Variants in PCDH9 observed in about 807,000 individuals in gnomAD.
PCDH9 encodes protocadherin 9.
PCDH9 carries 24 observed loss-of-function variants against 70.6 expected under a neutral mutation model. The ratio of observed to expected loss-of-function variants is 0.34; its 90% confidence interval spans 0.25 to 0.48. The LOEUF (loss-of-function observed/expected upper bound fraction) is 0.48, where lower values mean the gene tolerates loss of function less well. PCDH9 is among the 20% of genes least tolerant of loss of function. The pLI is 0.99. For synonymous variants in PCDH9, 562 were observed against 558.5 expected, an observed-to-expected ratio of 1.01 and a Z score of -0.09; for missense variants, 1,281 against 1,503.6, an observed-to-expected ratio of 0.85 and a Z score of 2.45.
intron 2 of PCDH9, chr13:67,223,067 C>T (rs2089768985): frequency 6.6e-6 from 1 of 152,090 alleles, no homozygotes; most frequent in South Asian, 2.1e-4. Context: ...AGCTCTTTAT[C>T]ATAAGAGTGA....
Position 66,851,647 on chromosome 13 carries a change from G to GA in PCDH9, c.3138+51856_3138+51857insT, listed in dbSNP as rs2081317435. ...TCTGTGACCTTGAGCAAGTTATTAG[G>GA]TTGGTGCAAAAGTTATTGCGGATTT... is the stretch of plus-strand genomic sequence containing the variant. On this transcript the variant is annotated intron_variant, in intron 3 of 4. Coordinates refer to ENST00000377865, the MANE Select transcript of PCDH9 (RefSeq NM_203487.3). Among the ~76,000 whole-genome samples the GA allele has an allele frequency of 4.0e-5, 6 of 151,780 alleles. No individual in the cohort carries two copies. The South Asian group carries it at 1.2e-3, about 31-fold the overall frequency.
At chr13:66,428,547 C>T (rs1195035163) in intron 4 of PCDH9, among the ~76,000 whole-genome samples, 1 of 151,690 alleles carries the variant, frequency 6.6e-6, no homozygotes, top group Non-Finnish European at 1.5e-5. Flanking sequence ...AAAAGACAGT[C>T]AAGGGCTACC....
At chr13:66,933,210 C>G (rs1463884093) in intron 2 of PCDH9, among the ~76,000 whole-genome samples, 1 of 151,938 alleles carries the variant, frequency 6.6e-6, no homozygotes, top group African/African-American at 2.4e-5. Context: ...AAAGCAAATG[C>G]CTTATTTTAA....
Position 67,075,127 on chromosome 13 carries a change from T to C in PCDH9, c.3036+150278A>G, listed in dbSNP as rs187534096. Among the ~76,000 whole-genome samples the C allele has an allele frequency of 1.1e-3, 161 of 152,080 alleles. 1 individual carries two copies. The highest frequency in any genetic ancestry group is 2.0e-3 in the Admixed American group (30 of 15,246). ...TTAAAATAAAATGCTTAGAAGCAGATAGCCAAATGATAAAACCATTTCAGG... is the reference window on the plus strand; with the variant it reads ...TTAAAATAAAATGCTTAGAAGCAGACAGCCAAATGATAAAACCATTTCAGG... On this transcript the variant is annotated intron_variant, in intron 2 of 4. Transcript: ENST00000377865.
chr13:67,029,038 T>C (rs991858657), intron 2 of PCDH9, among the ~76,000 whole-genome samples: 8 of 152,104 alleles, frequency 5.3e-5, no homozygotes, highest in Non-Finnish European at 1.0e-4. Context: ...CTTTATTTAA[T>C]CAGTAACTTA....
intron 4 of PCDH9, among the ~76,000 whole-genome samples, chr13:66,437,780 C>T (rs1957900429): frequency 6.6e-6 from 1 of 152,110 alleles, no homozygotes. Flanking sequence ...TTATGCCCCG[C>T]AATTCCACTC....
chr13:66,798,695 A>G (rs975608960), intron 3 of PCDH9, among the ~76,000 whole-genome samples: 2 of 152,174 alleles, frequency 1.3e-5, no homozygotes, highest in Admixed American at 1.3e-4. Context: ...TTAGACCCAC[A>G]ATATTTTCTA....
intron 4 of PCDH9, among the ~76,000 whole-genome samples, chr13:66,603,200 G>T (rs73194765): frequency 8.6e-6 from 1 of 116,796 alleles, no homozygotes; most frequent in African/African-American, 2.8e-5. Flanking sequence ...ACTAATAATT[G>T]ACTTAGTGCT....
chr13:66,323,820 A>G (rs1955795462), intron 4 of PCDH9, among the ~76,000 whole-genome samples: 1 of 151,958 alleles, frequency 6.6e-6, no homozygotes, highest in Non-Finnish European at 1.5e-5. Context: ...CATTTTAAGA[A>G]GCATGAGCTC....
intron 3 of PCDH9, among the ~76,000 whole-genome samples, chr13:66,725,364 C>A (rs1221084147): frequency 6.6e-6 from 1 of 152,174 alleles, no homozygotes; most frequent in Non-Finnish European, 1.5e-5. Context: ...CCTGCTGTTG[C>A]CTATCAAGAC....
chr13:67,156,084 T>G (rs2138402078), intron 2 of PCDH9, among the ~76,000 whole-genome samples: 1 of 152,112 alleles, frequency 6.6e-6, no homozygotes. Context: ...ACGGGAGTGC[T>G]GGGTAGAGGA....
chr13:66,750,703 T>C (rs1310467010), intron 3 of PCDH9, among the ~76,000 whole-genome samples: 3 of 151,996 alleles, frequency 2.0e-5, no homozygotes, highest in Non-Finnish European at 4.4e-5. Flanking sequence ...AAACATGTAC[T>C]GGGTTGATTT....
chr13:67,197,943 A>G (rs2089114263), intron 2 of PCDH9, among the ~76,000 whole-genome samples: 2 of 151,810 alleles, frequency 1.3e-5, no homozygotes, highest in Admixed American at 6.6e-5. Flanking sequence ...ATGCAAAGAA[A>G]GTAACACATG....
At chr13:66,476,284 C>T (rs570753128) in intron 4 of PCDH9, among the ~76,000 whole-genome samples, 4 of 135,486 alleles carry the variant, frequency 3.0e-5, no homozygotes, top group Admixed American at 2.4e-4. Flanking sequence ...TCTGAAGGCT[C>T]CTCCCTCAAC....
intron 3 of PCDH9, among the ~76,000 whole-genome samples, chr13:66,776,789 C>T (rs1352268985): frequency 1.4e-5 from 2 of 147,388 alleles, no homozygotes; most frequent in Non-Finnish European, 3.0e-5. Context: ...CTTTAAAGTT[C>T]ATATGGAACC....
At chr13:66,609,269 CAAAATAG>C (rs2077261432) in intron 4 of PCDH9, among the ~76,000 whole-genome samples, 1 of 151,958 alleles carries the variant, frequency 6.6e-6, no homozygotes, top group Non-Finnish European at 1.5e-5. Context: ...ATGCTCCAAA[CAAAATAG>C]AAAATTGATT....
At chr13:66,342,517 G>A (rs1294268738) in intron 4 of PCDH9, among the ~76,000 whole-genome samples, 2 of 152,148 alleles carry the variant, frequency 1.3e-5, no homozygotes, top group African/African-American at 4.8e-5. Flanking sequence ...AATAAAGAAA[G>A]TGAGGCAGAG....
At chr13:67,013,467 C>G (rs2084494025) in intron 2 of PCDH9, among the ~76,000 whole-genome samples, 1 of 151,936 alleles carries the variant, frequency 6.6e-6, no homozygotes, top group African/African-American at 2.4e-5. Context: ...CTGTGGTAAA[C>G]AGCTGCATGC....
At chr13:67,084,069 T>C (rs1001478484) in intron 2 of PCDH9, among the ~76,000 whole-genome samples, 4 of 152,162 alleles carry the variant, frequency 2.6e-5, no homozygotes, top group Non-Finnish European at 4.4e-5. Context: ...TTTCAGGCAC[T>C]AGCTTGCCCT....
Sources: allele counts gnomAD v4.1 joint callset (sites outside exome capture counted in the v4.1 genomes callset), GRCh38; gene constraint gnomAD v4.1.1; transcripts MANE v1.5; gene names NCBI Gene and HGNC (gene_info 2026-07-23, HGNC 2026-07-21).